PRRC2B: variants seen among roughly 807,000 people sequenced by gnomAD.
The protein encoded by PRRC2B is proline rich coiled-coil 2B.
In PRRC2B, 68 loss-of-function variants were observed where a neutral mutation model predicts 242.3. The ratio of observed to expected loss-of-function variants is 0.28; its 90% CI spans 0.23 to 0.34. The LOEUF is 0.34. PRRC2B is among the 10% of genes least tolerant of loss of function. The pLI is 1.00. For synonymous variants in PRRC2B, 1,228 were observed against 1,173.6 expected (o/e 1.05, Z -0.95); for missense variants, 2,835 against 2,954.8 (o/e 0.96, Z 0.94).
At chr9:131,402,984 G>A (rs912301933) in intron 1 of PRRC2B, among the ~76,000 whole-genome samples, 1 of 152,196 alleles carries the variant, frequency 6.6e-6, no homozygotes, top group African/African-American at 2.4e-5. Flanking sequence ...TCATCTCTTT[G>A]TATAGAACCA....
chr9:131,388,133 A>C (rs750437540), intron 1 of PRRC2B, among the ~76,000 whole-genome samples: 2 of 148,968 alleles, frequency 1.3e-5, no homozygotes, highest in African/African-American at 4.9e-5. Flanking sequence ...GGTTGCAGTG[A>C]GCCGAGATTG....
chr9:131,409,606 T>C (rs1183985413), intron 1 of PRRC2B, among the ~76,000 whole-genome samples: 1 of 152,212 alleles, frequency 6.6e-6, no homozygotes, highest in African/African-American at 2.4e-5. Flanking sequence ...GGGGCCGGGC[T>C]GGGCTGGGGC....
chr9:131,477,677 T>G (rs1442785751), intron 16 of PRRC2B, 67 bp from the exon 17 acceptor site: 2 of 936,348 alleles, frequency 2.1e-6, no homozygotes, highest in African/African-American at 3.2e-5. Flanking sequence ...GTGTGCAGGC[T>G]GTGTGCACGT....
At chr9:131,382,697 T>G (rs1328182604) in intron 1 of PRRC2B, among the ~76,000 whole-genome samples, 1 of 149,688 alleles carries the variant, frequency 6.7e-6, no homozygotes, top group African/African-American at 2.5e-5. Flanking sequence ...CAGGCTGGAG[T>G]GCAGTGGTGT....
intron 1 of PRRC2B, among the ~76,000 whole-genome samples, chr9:131,396,621 C>G (rs1480902532): frequency 6.6e-6 from 1 of 152,164 alleles, no homozygotes; most frequent in African/African-American, 2.4e-5. Context: ...CTACCGCGCC[C>G]GGTCTTCTTT....
intron 1 of PRRC2B, among the ~76,000 whole-genome samples, chr9:131,429,261 T>TTGAGTGAGTGAGTGAGTGAG (rs36119236): frequency 2.6e-5 from 4 of 151,762 alleles, no homozygotes; most frequent in Admixed American, 6.6e-5. Context: ...GCTTAGTATT[T>TTGAGTGAGTGAGTGAGTGAG]TGAGTGAGTG....
intron 14 of PRRC2B, among the ~76,000 whole-genome samples, chr9:131,472,614 T>C (rs2131440860): frequency 6.6e-6 from 1 of 151,926 alleles, no homozygotes; most frequent in African/African-American, 2.4e-5. Flanking sequence ...GTAGCTGAGA[T>C]TACAGGCACC....
intron 15 of PRRC2B, among the ~76,000 whole-genome samples, chr9:131,474,142 T>C (rs919879373): frequency 2.6e-5 from 4 of 152,248 alleles, no homozygotes; most frequent in African/African-American, 2.4e-5. Context: ...GAGGATTGCC[T>C]GGCTCCTCTG....
At chr9:131,410,677 A>C (rs1837485162) in intron 1 of PRRC2B, among the ~76,000 whole-genome samples, 1 of 152,184 alleles carries the variant, frequency 6.6e-6, no homozygotes, top group African/African-American at 2.4e-5. Context: ...TGAGTGGTTT[A>C]TCTATTTTGT....
intron 1 of PRRC2B, among the ~76,000 whole-genome samples, chr9:131,376,653 G>A (rs11243381): frequency 0.028 from 4,191 of 152,222 alleles, 191 homozygotes; most frequent in African/African-American, 0.095. Context: ...AGGAGGTGAC[G>A]TTTCCAGAGT....
At chr9:131,442,170 T>C (rs1416202253) in intron 5 of PRRC2B, among the ~76,000 whole-genome samples, 2 of 152,052 alleles carry the variant, frequency 1.3e-5, no homozygotes, top group East Asian at 3.9e-4. Context: ...TTTCATTCTG[T>C]TGCCCAGGCT....
chr9:131,396,983 C>T (rs1359000839), intron 1 of PRRC2B, among the ~76,000 whole-genome samples: 3 of 152,136 alleles, frequency 2.0e-5, no homozygotes, highest in African/African-American at 7.2e-5. Flanking sequence ...TTTGGCATTC[C>T]CGCAACCATC....
At chr9:131,404,894 C>A (rs1333433238) in intron 1 of PRRC2B, among the ~76,000 whole-genome samples, 3 of 152,170 alleles carry the variant, frequency 2.0e-5, no homozygotes, top group African/African-American at 4.8e-5. Flanking sequence ...CAAAAACATA[C>A]AATTTGTATG....
chr9:131,385,079 C>G (rs560187555), intron 1 of PRRC2B, among the ~76,000 whole-genome samples: 1 of 152,100 alleles, frequency 6.6e-6, no homozygotes, highest in South Asian at 2.1e-4. Flanking sequence ...GTGATCTTGG[C>G]TGACTATAAC....
intron 11 of PRRC2B, among the ~76,000 whole-genome samples, chr9:131,463,245 C>T (rs1426673225): frequency 6.6e-6 from 1 of 152,148 alleles, no homozygotes; most frequent in Non-Finnish European, 1.5e-5. Flanking sequence ...CTTATGATTA[C>T]AGTACTTACC....
chr9:131,477,966 T>C lies in PRRC2B; in HGVS notation c.4612+17T>C, dbSNP rs1310458964. 1 of 1,608,952 alleles carries C rather than the reference T, an allele frequency of 6.2e-7. No homozygotes were observed. The highest frequency in any genetic ancestry group is 8.5e-7 in the Non-Finnish European group (1 of 1,175,668). On this transcript the variant is annotated intron_variant, in intron 17 of 31. Transcript: ENST00000683519. ...ACTATGGAAGTAAGTCATCCTCATA[T>C]CTTCAGGGGAAAGAACTCAGGCAGA...
chr9:131,478,642 G>GGGGGGGTGGGGGGC, intron 18 of PRRC2B, 23 bp downstream of exon 18: 1 of 482,040 alleles, frequency 2.1e-6, no homozygotes, highest in East Asian at 5.2e-5. Context: ...GGGTGGGGGG[G>GGGGGGGTGGGGGGC]CATGGGGCTG....
intron 1 of PRRC2B, among the ~76,000 whole-genome samples, chr9:131,396,583 C>T (rs186949274): frequency 6.6e-5 from 10 of 152,272 alleles, no homozygotes; most frequent in Admixed American, 2.6e-4. Context: ...GCCTTGGCCT[C>T]CCAAAGTGCT....
intron 5 of PRRC2B, 39 bp from the exon 6 acceptor site, chr9:131,444,146 C>T (rs754985460): frequency 1.2e-6 from 2 of 1,611,066 alleles, no homozygotes; most frequent in Non-Finnish European, 1.7e-6. Context: ...CTGTTGACTC[C>T]ATCTCACTTC....
Sources: gnomAD v4.1 joint callset for allele counts (sites outside exome capture counted in the v4.1 genomes callset) on GRCh38, gnomAD v4.1.1 for gene constraint, MANE v1.5 for transcripts, NCBI Gene and HGNC (gene_info 2026-07-23, HGNC 2026-07-21) for gene names.